The following LHFPL2 variants were observed in gnomAD, a reference collection of about 807,000 sequenced individuals.
LHFPL2 encodes LHFPL tetraspan subfamily member 2.
Under a neutral mutation model 17.5 loss-of-function variants are expected in LHFPL2, and 7 were observed. The ratio of observed to expected loss-of-function variants is 0.40; its 90% CI spans 0.23 to 0.75. The LOEUF (loss-of-function observed/expected upper bound fraction) is 0.75, where lower values mean the gene tolerates loss of function less well. Among genes scored for constraint, LHFPL2 ranks in the 30% least tolerant of loss-of-function variants. The probability of loss-of-function intolerance (pLI) is 0.37; values close to 1 mark genes in which losing one functional copy is unlikely to be tolerated. For missense variants in LHFPL2, 241 were observed against 294.8 expected (o/e 0.82, Z 1.34); for synonymous variants, 134 against 116.2 (o/e 1.15, Z -0.99).
chr5:78,632,484 C>T (rs1745288410), intron 1 of LHFPL2, 116 bp from the exon 2 acceptor site: 1 of 152,216 alleles, frequency 6.6e-6, no homozygotes. Context: ...GAGCAGAAAA[C>T]AAGTCTAGTG....
At chr5:78,547,503 G>A (rs1299700110) in intron 3 of LHFPL2, among the ~76,000 whole-genome samples, 2 of 152,170 alleles carry the variant, frequency 1.3e-5, no homozygotes, top group Admixed American at 6.5e-5. Flanking sequence ...TATACTCACT[G>A]AGCAGTGGCA....
intron 3 of LHFPL2, among the ~76,000 whole-genome samples, chr5:78,517,356 A>G (rs989372819): frequency 6.6e-6 from 1 of 152,168 alleles, no homozygotes; most frequent in African/African-American, 2.4e-5. Flanking sequence ...TCTTGATGCC[A>G]ACTCCAACTC....
rs1754266043 is a variant in LHFPL2, at chr5:78,486,969, T to C, written c.*1928A>G. ...AGACTTGGTTAGAACATTATAAATG[T>C]ACACACAGAGACAGAAGCTTTGTCC... On this transcript the variant is annotated 3_prime_UTR_variant, in exon 5 of 5. Transcript: ENST00000380345. 6.6e-6 allele frequency: 1 copy of C among 152,234 alleles called. No individual in the cohort carries two copies. Among genetic ancestry groups the C allele is most frequent in the Admixed American group, 6.5e-5 (1 of 15,278 alleles). The allele number at this position is 152,234 out of a possible 1,614,324, so 9.4% of individuals were successfully genotyped here. A position where few individuals can be genotyped will look rare whatever the true frequency, so the allele number is the denominator to read the frequency against.
At chr5:78,543,059 G>C (rs1029825585) in intron 3 of LHFPL2, among the ~76,000 whole-genome samples, 1 of 152,192 alleles carries the variant, frequency 6.6e-6, no homozygotes, top group East Asian at 1.9e-4. Context: ...CTGTGTTAAA[G>C]GAATAGGCAG....
chr5:78,583,777 C>T (rs1443892854), intron 2 of LHFPL2, among the ~76,000 whole-genome samples: 9 of 149,454 alleles, frequency 6.0e-5, no homozygotes, highest in African/African-American at 1.7e-4. Flanking sequence ...TTGCTCTTCT[C>T]GAGGAGTATC....
At chr5:78,512,398 C>T (rs551642723) in intron 3 of LHFPL2, among the ~76,000 whole-genome samples, 1 of 149,780 alleles carries the variant, frequency 6.7e-6, no homozygotes, top group Non-Finnish European at 1.5e-5. Context: ...TTATATCCAA[C>T]TGGTGGAGAT....
intron 2 of LHFPL2, among the ~76,000 whole-genome samples, chr5:78,597,389 T>C (rs1743861030): frequency 6.6e-6 from 1 of 152,216 alleles, no homozygotes; most frequent in African/African-American, 2.4e-5. Flanking sequence ...GTTTTTCTAA[T>C]TTTTTCCCAA....
intron 4 of LHFPL2, among the ~76,000 whole-genome samples, chr5:78,504,326 G>A (rs1046581041): frequency 3.9e-5 from 6 of 152,164 alleles, no homozygotes; most frequent in African/African-American, 1.4e-4. Context: ...TTTTTCAGGA[G>A]AAAAATTCTG....
At chr5:78,517,264 C>T (rs1554052417) in intron 3 of LHFPL2, among the ~76,000 whole-genome samples, 1 of 152,194 alleles carries the variant, frequency 6.6e-6, no homozygotes, top group Non-Finnish European at 1.5e-5. Flanking sequence ...GCATGGGATC[C>T]CCCACTGAGC....
intron 2 of LHFPL2, among the ~76,000 whole-genome samples, chr5:78,628,330 T>G (rs1348719928): frequency 6.6e-6 from 1 of 152,220 alleles, no homozygotes; most frequent in Non-Finnish European, 1.5e-5. Flanking sequence ...TCTCTCTCTT[T>G]TAAACGGATA....
intron 3 of LHFPL2, among the ~76,000 whole-genome samples, chr5:78,523,096 C>T (rs977758480): frequency 2.1e-5 from 3 of 144,700 alleles, no homozygotes; most frequent in Admixed American, 1.4e-4. Context: ...GGCGTGTGCA[C>T]GTGTGTGTGT....
chr5:78,603,733 TA>T (rs1221094800), intron 2 of LHFPL2, among the ~76,000 whole-genome samples: 1 of 152,176 alleles, frequency 6.6e-6, no homozygotes, highest in Non-Finnish European at 1.5e-5. Flanking sequence ...TTTTTTCAGT[TA>T]AAAAAATTTT....
At chr5:78,627,576 T>C (rs535974154) in intron 2 of LHFPL2, among the ~76,000 whole-genome samples, 61 of 152,302 alleles carry the variant, frequency 4.0e-4, no homozygotes, top group African/African-American at 1.4e-3. Context: ...ATTTCAAAGT[T>C]AGAATCCAGA....
Position 78,520,613 on chromosome 5 carries a change from G to A in LHFPL2, c.-185-10215C>T, listed in dbSNP as rs148643971. 8.5e-5 allele frequency among the ~76,000 whole-genome samples: 13 copies of A among 152,360 alleles called. 1 individual carries two copies. In the East Asian group the frequency reaches 2.1e-3, roughly 25 times the overall value. On this transcript the variant is annotated intron_variant, in intron 3 of 4. Transcript: ENST00000380345. Reference sequence around the variant, plus strand: ...TTACCAGGAATGGCAACGGACAGCCGTGGCTGATGGAGAGCTGAGCAGCCA... The same window carrying A: ...TTACCAGGAATGGCAACGGACAGCCATGGCTGATGGAGAGCTGAGCAGCCA...
At chr5:78,643,428 G>A (rs1039596516) in intron 1 of LHFPL2, among the ~76,000 whole-genome samples, 6 of 152,054 alleles carry the variant, frequency 3.9e-5, no homozygotes, top group East Asian at 1.9e-4. Flanking sequence ...TTTATAAGTC[G>A]ATGGTCAGAT....
In LHFPL2 at chr5:78,568,629, T is replaced by A. The variant is rs561584250; in HGVS notation, c.-244-3758A>T. On this transcript the variant is annotated intron_variant, in intron 2 of 4. Coordinates refer to ENST00000380345, the MANE Select transcript of LHFPL2 (RefSeq NM_005779.3). ...GGAAATGACAGGGGTGAATTTCAGCTGAATGAAGAAAGAACTGTGTAATAA... is the reference window on the plus strand; with the variant it reads ...GGAAATGACAGGGGTGAATTTCAGCAGAATGAAGAAAGAACTGTGTAATAA... 4.1e-4 allele frequency among the ~76,000 whole-genome samples: 63 copies of A among 152,310 alleles called. 1 individual carries two copies. Among genetic ancestry groups the A allele is most frequent in the African/African-American group, 1.4e-3 (60 of 41,570 alleles).
chr5:78,493,376 A>G (rs1012432630), intron 4 of LHFPL2, among the ~76,000 whole-genome samples: 57 of 152,362 alleles, frequency 3.7e-4, no homozygotes, highest in Non-Finnish European at 2.9e-5. Flanking sequence ...TCATCCTAGC[A>G]GTCACAAGAA....
chr5:78,551,517 C>A (rs756769188), intron 3 of LHFPL2, among the ~76,000 whole-genome samples: 1 of 152,166 alleles, frequency 6.6e-6, no homozygotes, highest in Non-Finnish European at 1.5e-5. Flanking sequence ...CCCTGGACAC[C>A]ACCTTGAGCT....
intron 2 of LHFPL2, among the ~76,000 whole-genome samples, chr5:78,632,026 G>A (rs1281801121): frequency 6.6e-6 from 1 of 152,054 alleles, no homozygotes; most frequent in Admixed American, 6.5e-5. Flanking sequence ...CTAAACAGAA[G>A]AGAAAAGGGT....
Sources: allele counts gnomAD v4.1 joint callset (sites outside exome capture counted in the v4.1 genomes callset), GRCh38; gene constraint gnomAD v4.1.1; transcripts MANE v1.5; gene names NCBI Gene and HGNC (gene_info 2026-07-23, HGNC 2026-07-21).